MAGI1: variants seen among roughly 807,000 people sequenced by gnomAD.
MAGI1 encodes membrane-associated guanylate kinase, WW and PDZ domain-containing protein 1.
In MAGI1, 58 loss-of-function variants were observed where a neutral mutation model predicts 139.9. The ratio of observed to expected loss-of-function variants is 0.41; its 90% CI spans 0.34 to 0.52. MAGI1 has a LOEUF of 0.52. MAGI1 is among the 20% of genes least tolerant of loss of function. The pLI, the probability that MAGI1 is intolerant of heterozygous loss-of-function variation, is 0.12. For synonymous variants in MAGI1, 812 were observed against 737.9 expected, an observed-to-expected ratio of 1.10 and a Z score of -1.63; for missense variants, 1,874 against 1,901.6, an observed-to-expected ratio of 0.99 and a Z score of 0.27.
intron 1 of MAGI1, among the ~76,000 whole-genome samples, chr3:66,033,960 T>C (rs1326226363): frequency 6.6e-6 from 1 of 152,146 alleles, no homozygotes. Flanking sequence ...CATAGAGAAA[T>C]GTAGGCTCCA....
chr3:65,817,714 T>A (rs974687074), intron 1 of MAGI1, among the ~76,000 whole-genome samples: 1 of 152,210 alleles, frequency 6.6e-6, no homozygotes, highest in African/African-American at 2.4e-5. Flanking sequence ...ACACAACTCT[T>A]TTGGACCATT....
rs9825543 is a variant in MAGI1 at position 65,383,330 on chromosome 3, A to C, written c.2508+202T>G. Among the ~76,000 whole-genome samples the C allele has an allele frequency of 0.025, 3,781 of 152,274 alleles. 100 individuals are homozygous for C. The highest frequency in any genetic ancestry group is 0.065 in the East Asian group (339 of 5,184). ...CCCACCTTTCACAAACACTCATACAAACTTTTTAGAAAGAATCTAGTCTCT... is the reference window on the plus strand; with the variant it reads ...CCCACCTTTCACAAACACTCATACACACTTTTTAGAAAGAATCTAGTCTCT... On this transcript the variant is annotated intron_variant, in intron 15 of 22. Transcript: ENST00000402939.
intron 1 of MAGI1, among the ~76,000 whole-genome samples, chr3:65,786,698 G>A (rs2039416458): frequency 6.8e-6 from 1 of 147,972 alleles, no homozygotes; most frequent in South Asian, 2.1e-4. Context: ...TGCAAGCTCT[G>A]CCTCCCGGGT....
At chr3:65,415,288 T>C (rs1486171784) in intron 12 of MAGI1, among the ~76,000 whole-genome samples, 1 of 152,160 alleles carries the variant, frequency 6.6e-6, no homozygotes, top group Non-Finnish European at 1.5e-5. Flanking sequence ...TGCTTCAGCC[T>C]CTCCTCCACC....
chr3:65,598,951 A>G (rs1209510346), intron 2 of MAGI1, among the ~76,000 whole-genome samples: 2 of 152,236 alleles, frequency 1.3e-5, no homozygotes, highest in Non-Finnish European at 2.9e-5. Context: ...TACACCTTGT[A>G]GCAAGAGAGT....
At chr3:65,480,278 A>G (rs1023999618) in intron 3 of MAGI1, among the ~76,000 whole-genome samples, 1 of 152,088 alleles carries the variant, frequency 6.6e-6, no homozygotes, top group African/African-American at 2.4e-5. Context: ...CATGCCTCTA[A>G]TACCAGCACA....
intron 1 of MAGI1, among the ~76,000 whole-genome samples, chr3:65,718,163 G>A (rs758773237): frequency 8.6e-5 from 13 of 152,046 alleles, no homozygotes; most frequent in Non-Finnish European, 1.6e-4. Context: ...AGGCTATGTC[G>A]TCTGTGGTTA....
intron 12 of MAGI1, among the ~76,000 whole-genome samples, chr3:65,409,172 C>T (rs1277198533): frequency 6.6e-6 from 1 of 152,184 alleles, no homozygotes; most frequent in Non-Finnish European, 1.5e-5. Context: ...CAAAGCATCA[C>T]TAAGAGATAA....
At chr3:65,739,026 C>T (rs1188373915) in intron 1 of MAGI1, among the ~76,000 whole-genome samples, 2 of 152,204 alleles carry the variant, frequency 1.3e-5, no homozygotes, top group African/African-American at 4.8e-5. Context: ...CAGGCATTGA[C>T]TTCTCCTCTC....
At chr3:65,867,085 G>T (rs778682328) in intron 1 of MAGI1, among the ~76,000 whole-genome samples, 1 of 152,156 alleles carries the variant, frequency 6.6e-6, no homozygotes, top group Admixed American at 6.5e-5. Flanking sequence ...TTCCTGATCT[G>T]GAAATTGGAG....
chr3:65,604,127 C>T (rs1031741984), intron 2 of MAGI1, among the ~76,000 whole-genome samples: 1 of 151,846 alleles, frequency 6.6e-6, no homozygotes, highest in Non-Finnish European at 1.5e-5. Context: ...CAATTTATGG[C>T]TTTTCAGGGG....
chr3:65,649,022 A>T (rs7627311), intron 1 of MAGI1, among the ~76,000 whole-genome samples: 1 of 152,182 alleles, frequency 6.6e-6, no homozygotes, highest in African/African-American at 2.4e-5. Flanking sequence ...GACAAATGTT[A>T]ACTTAAACCT....
At chr3:65,581,473 C>G (rs1353211234) in intron 2 of MAGI1, among the ~76,000 whole-genome samples, 3 of 152,066 alleles carry the variant, frequency 2.0e-5, no homozygotes, top group African/African-American at 4.8e-5. Context: ...ACTGCTTTAA[C>G]TTCATCTTCT....
rs920945404 is a variant in MAGI1 at position 65,355,102 on chromosome 3, G to C, written c.*1276C>G. The C allele has an allele frequency of 6.6e-6, 1 of 152,512 alleles. No homozygotes were observed. The highest frequency in any genetic ancestry group is 2.1e-4 in the South Asian group (1 of 4,818). 9.4% of individuals were successfully genotyped at this position (152,512 alleles called of 1,614,324 possible). Reference sequence around the variant, plus strand: ...CACTTAAACCACATCCCGGGGCTACGGCCGACCCAACCACAGCTCCTGTGG... The same window carrying C: ...CACTTAAACCACATCCCGGGGCTACCGCCGACCCAACCACAGCTCCTGTGG... On this transcript the variant is annotated 3_prime_UTR_variant, in exon 23 of 23. Coordinates refer to ENST00000402939, the MANE Select transcript of MAGI1 (RefSeq NM_001033057.2).
intron 5 of MAGI1, among the ~76,000 whole-genome samples, chr3:65,455,426 T>C (rs1949326168): frequency 6.6e-6 from 1 of 152,164 alleles, no homozygotes; most frequent in Non-Finnish European, 1.5e-5. Context: ...GAAGGTTATA[T>C]AGCGCTGGGC....
At chr3:65,770,374 C>T (rs1403965664) in intron 1 of MAGI1, among the ~76,000 whole-genome samples, 1 of 152,050 alleles carries the variant, frequency 6.6e-6, no homozygotes, top group Non-Finnish European at 1.5e-5. Flanking sequence ...TTCTAGGTAC[C>T]GTAGGGCATT....
chr3:65,565,566 A>T (rs751581662), intron 2 of MAGI1, among the ~76,000 whole-genome samples: 1 of 152,096 alleles, frequency 6.6e-6, no homozygotes, highest in African/African-American at 2.4e-5. Flanking sequence ...ATTAAGAAAC[A>T]TTGCTTATGG....
chr3:66,017,286 G>A (rs576598591), intron 1 of MAGI1, among the ~76,000 whole-genome samples: 3 of 152,348 alleles, frequency 2.0e-5, no homozygotes, highest in East Asian at 1.9e-4. Context: ...CGCAGGGCGC[G>A]GCTGCAGATG....
chr3:65,354,844 C>A lies in MAGI1; in HGVS notation c.*1534G>T, dbSNP rs563577490. 1.3e-5 allele frequency: 2 copies of A among 151,772 alleles called. No individual in the cohort carries two copies. The highest frequency in any genetic ancestry group is 4.8e-5 in the African/African-American group (2 of 41,286). 9.4% of individuals were successfully genotyped at this position (151,772 alleles called of 1,614,324 possible). A position where few individuals can be genotyped will look rare whatever the true frequency, so the allele number is the denominator to read the frequency against. Reference sequence around the variant, plus strand: ...TTTTCCCAACAGGCTCTATTAATTACAATTTTTAGCTCTGTACACGCAATG... The same window carrying A: ...TTTTCCCAACAGGCTCTATTAATTAAAATTTTTAGCTCTGTACACGCAATG... On this transcript the variant is annotated 3_prime_UTR_variant, in exon 23 of 23. Transcript: ENST00000402939.
Sources: gnomAD v4.1 joint callset for allele counts (sites outside exome capture counted in the v4.1 genomes callset) on GRCh38, gnomAD v4.1.1 for gene constraint, MANE v1.5 for transcripts, NCBI Gene and HGNC (gene_info 2026-07-23, HGNC 2026-07-21) for gene names.